Variants in PRELID2 observed in about 807,000 individuals in gnomAD.
PRELID2 encodes PRELI domain-containing protein 2.
In PRELID2, 25 loss-of-function variants were observed where a neutral mutation model predicts 28.4. That is an observed-to-expected ratio of 0.88 (90% CI 0.64 to 1.23). The LOEUF is 1.23. Ranked by LOEUF, PRELID2 falls within the 50% of genes most tolerant of loss-of-function variation. The pLI is 0.00. For synonymous variants in PRELID2, 76 were observed against 71.6 expected, an observed-to-expected ratio of 1.06 and a Z score of -0.31; for missense variants, 201 against 214.4, an observed-to-expected ratio of 0.94 and a Z score of 0.39.
At chr5:145,314,360 A>C in the PRELID2 span, among the ~76,000 whole-genome samples, 1 of 152,224 alleles carries the variant, frequency 6.6e-6, no homozygotes, top group Non-Finnish European at 1.5e-5. Context: ...AATACATTTA[A>C]ATAAGCCATT....
At chr5:145,528,016 A>T (rs945827091) in intron 1 of PRELID2, among the ~76,000 whole-genome samples, 3 of 151,996 alleles carry the variant, frequency 2.0e-5, no homozygotes, top group Non-Finnish European at 4.4e-5. Flanking sequence ...ATTATGTCCC[A>T]TCTCCCAGCG....
intron 1 of PRELID2, among the ~76,000 whole-genome samples, chr5:145,562,783 GA>G (rs997845196): frequency 2.0e-3 from 289 of 146,630 alleles, no homozygotes; most frequent in African/African-American, 5.9e-3. Context: ...TACAGACACA[GA>G]AAAAAAAAAT....
At chr5:145,534,029 G>C (rs150192700) in intron 1 of PRELID2, among the ~76,000 whole-genome samples, 3 of 152,006 alleles carry the variant, frequency 2.0e-5, no homozygotes, top group African/African-American at 7.2e-5. Context: ...TATTAGATAG[G>C]AATTTGGACT....
At chr5:145,742,098 A>G (rs866806932) in intron 1 of PRELID2, among the ~76,000 whole-genome samples, 1,771 of 128,048 alleles carry the variant, frequency 0.014, 40 homozygotes, top group African/African-American at 0.037. Context: ...TTATAATTAC[A>G]TATAATTATA....
At chr5:145,423,391 G>T in the PRELID2 span, among the ~76,000 whole-genome samples, 3 of 151,988 alleles carry the variant, frequency 2.0e-5, no homozygotes, top group Admixed American at 1.3e-4. Flanking sequence ...CATAGATTTG[G>T]TCTTTTCACA....
intron 1 of PRELID2, among the ~76,000 whole-genome samples, chr5:145,589,196 A>T (rs1254232549): frequency 6.6e-6 from 1 of 152,122 alleles, no homozygotes; most frequent in Non-Finnish European, 1.5e-5. Flanking sequence ...TCCTTCCCTT[A>T]CTGTTGAGCA....
intron 1 of PRELID2, among the ~76,000 whole-genome samples, chr5:145,554,500 G>C (rs151154314): frequency 6.6e-6 from 1 of 152,268 alleles, no homozygotes; most frequent in Non-Finnish European, 1.5e-5. Context: ...GTGGCTAATG[G>C]CAAAGAGAAA....
chr5:145,562,442 C>T (rs1226452803), intron 1 of PRELID2, among the ~76,000 whole-genome samples: 1 of 152,168 alleles, frequency 6.6e-6, no homozygotes, highest in Non-Finnish European at 1.5e-5. Flanking sequence ...TAATGTACAT[C>T]TAGATGATCT....
At position 145,575,426 on chromosome 5, in the gene PRELID2, G is replaced by A. The variant is rs117948929; in HGVS notation, n.71-102111C>T. On this transcript the variant is annotated intron_variant and non_coding_transcript_variant, in intron 1 of 2. Coordinates refer to the PRELID2 transcript ENST00000510259. ...GCTCTTAGATTATGTGCAGGACACC[G>A]TGCCTAGCTTTCTGAATACTGTCAT... Among the ~76,000 whole-genome samples, 177 of 152,274 alleles carry A rather than the reference G, an allele frequency of 1.2e-3. 1 individual carries two copies. The East Asian group carries it at 0.027, about 23-fold the overall frequency.
At chr5:145,416,784 A>T in the PRELID2 span, among the ~76,000 whole-genome samples, 2 of 152,058 alleles carry the variant, frequency 1.3e-5, no homozygotes, top group African/African-American at 4.8e-5. Flanking sequence ...ACAAGAAATA[A>T]CCAACAAAAG....
intron 1 of PRELID2, among the ~76,000 whole-genome samples, chr5:145,692,231 A>G (rs1213665368): frequency 6.6e-6 from 1 of 152,126 alleles, no homozygotes; most frequent in Admixed American, 6.5e-5. Context: ...ATTAATGCTT[A>G]TTGAGTTGAT....
intron 1 of PRELID2, among the ~76,000 whole-genome samples, chr5:145,719,941 T>C (rs894567338): frequency 1.3e-5 from 2 of 151,454 alleles, no homozygotes; most frequent in African/African-American, 4.8e-5. Flanking sequence ...TAAGAGTTGA[T>C]TGAAAAAAAG....
At chr5:145,595,568 T>C (rs79096682) in intron 1 of PRELID2, among the ~76,000 whole-genome samples, 6 of 152,318 alleles carry the variant, frequency 3.9e-5, no homozygotes, top group African/African-American at 1.4e-4. Flanking sequence ...GTCAGTATTG[T>C]AGTGTATGCC....
chr5:145,249,566 C>T, the PRELID2 span, among the ~76,000 whole-genome samples: 1 of 151,908 alleles, frequency 6.6e-6, no homozygotes, highest in African/African-American at 2.4e-5. Context: ...TTTTTCTTCT[C>T]TACATAAATC....
chr5:145,488,541 A>G (rs1299400923), intron 1 of PRELID2, among the ~76,000 whole-genome samples: 1 of 152,218 alleles, frequency 6.6e-6, no homozygotes, highest in Non-Finnish European at 1.5e-5. Flanking sequence ...TCCTATTATG[A>G]GGATTAAGAT....
the PRELID2 span, among the ~76,000 whole-genome samples, chr5:145,337,692 T>TATATAG: frequency 2.0e-4 from 3 of 14,892 alleles, no homozygotes; most frequent in African/African-American, 1.1e-3. Flanking sequence ...GGCAAATATA[T>TATATAG]ATATATATAT....
chr5:145,403,909 C>T, the PRELID2 span, among the ~76,000 whole-genome samples: 1 of 152,156 alleles, frequency 6.6e-6, no homozygotes, highest in Admixed American at 6.5e-5. Flanking sequence ...TGTTAGCTCG[C>T]AGGAAAGTTA....
At chr5:145,237,034 C>T in the PRELID2 span, among the ~76,000 whole-genome samples, 6 of 152,132 alleles carry the variant, frequency 3.9e-5, no homozygotes, top group Admixed American at 6.6e-5. Context: ...TTGACATACA[C>T]ATCAGAGCAA....
At chr5:145,770,782 G>A (rs1758052742) in intron 5 of PRELID2, among the ~76,000 whole-genome samples, 1 of 152,126 alleles carries the variant, frequency 6.6e-6, no homozygotes, top group Non-Finnish European at 1.5e-5. Context: ...AAAGTTTCTA[G>A]AATAAGGATA....
Sources: allele counts gnomAD v4.1 joint callset (sites outside exome capture counted in the v4.1 genomes callset), GRCh38; gene constraint gnomAD v4.1.1; transcripts MANE v1.5; gene names NCBI Gene and HGNC (gene_info 2026-07-23, HGNC 2026-07-21).